The following CNGB3 variants were observed in gnomAD, a reference collection of about 807,000 sequenced individuals.
CNGB3 encodes cyclic nucleotide gated channel subunit beta 3.
Under a neutral mutation model 92.8 loss-of-function variants are expected in CNGB3, and 86 were observed. The ratio of observed to expected loss-of-function variants is 0.93; its 90% CI spans 0.78 to 1.11. The LOEUF (loss-of-function observed/expected upper bound fraction) is 1.11. CNGB3 is among the 50% of genes least tolerant of loss of function. The probability of loss-of-function intolerance (pLI) is 0.00; values close to 1 mark genes in which losing one functional copy is unlikely to be tolerated. For synonymous variants in CNGB3, 333 were observed against 332.7 expected (o/e 1.00, Z -0.01); for missense variants, 1,026 against 956.8 (o/e 1.07, Z -0.95).
Position 86,689,041 on chromosome 8 carries a change from C to G in CNGB3, c.339-17943G>C, listed in dbSNP as rs1446644091. ...AAATTCTTTTTTTTTTTTATTAACC[C>G]ATGGGTCATTCAGGAGCATTTTGTT... On this transcript the variant is annotated intron_variant, in intron 3 of 17. Transcript: ENST00000320005. Among the ~76,000 whole-genome samples, 28 of 151,204 alleles carry G rather than the reference C, an allele frequency of 1.9e-4. 1 individual carries two copies. The highest frequency in any genetic ancestry group is 1.8e-3 in the Admixed American group (27 of 15,180).
chr8:86,633,031 A>G (rs1822992651), intron 10 of CNGB3, 138 bp from the exon 11 acceptor site: 8 of 754,748 alleles, frequency 1.1e-5, no homozygotes, highest in Admixed American at 7.3e-5. Flanking sequence ...AGCACTGGCA[A>G]ACAGCATGTG....
chr8:86,589,792 G>T (rs1314079427), intron 15 of CNGB3, among the ~76,000 whole-genome samples: 3 of 151,702 alleles, frequency 2.0e-5, no homozygotes, highest in South Asian at 4.2e-4. Flanking sequence ...GTGTGGTGTG[G>T]TGCTGAAAAA....
intron 6 of CNGB3, chr8:86,658,767 C>T: frequency 2.0e-6 from 1 of 512,496 alleles, no homozygotes; most frequent in Non-Finnish European, 3.5e-6. Context: ...CTTCATGAAG[C>T]CAGTCTGCAA....
intron 14 of CNGB3, 36 bp downstream of exon 14, chr8:86,611,552 T>G (rs772916629): frequency 1.3e-6 from 2 of 1,495,214 alleles, no homozygotes; most frequent in South Asian, 2.3e-5. Context: ...CAAATGCATT[T>G]ATTAGTTGTG....
intron 2 of CNGB3, among the ~76,000 whole-genome samples, chr8:86,732,581 G>A (rs756310375): frequency 2.6e-5 from 4 of 152,178 alleles, no homozygotes; most frequent in Non-Finnish European, 5.9e-5. Context: ...TGGCTTTTCA[G>A]CTCCAGTTAT....
chr8:86,631,300 A>G (rs1822956420), intron 11 of CNGB3, among the ~76,000 whole-genome samples: 1 of 152,198 alleles, frequency 6.6e-6, no homozygotes, highest in South Asian at 2.1e-4. Context: ...AGATTACACT[A>G]TGAGTAACAA....
chr8:86,715,944 G>A (rs983955666), intron 3 of CNGB3, among the ~76,000 whole-genome samples: 1 of 151,480 alleles, frequency 6.6e-6, no homozygotes, highest in Non-Finnish European at 1.5e-5. Context: ...CCTGCACATT[G>A]TGCACATGTA....
intron 3 of CNGB3, among the ~76,000 whole-genome samples, chr8:86,716,850 T>C (rs975320690): frequency 6.6e-6 from 1 of 152,162 alleles, no homozygotes; most frequent in Non-Finnish European, 1.5e-5. Context: ...GCATGATGAA[T>C]GGCATAGTAC....
intron 13 of CNGB3, among the ~76,000 whole-genome samples, chr8:86,623,185 A>T (rs1294034822): frequency 6.6e-6 from 1 of 152,174 alleles, no homozygotes; most frequent in Non-Finnish European, 1.5e-5. Flanking sequence ...ATATGCTGAC[A>T]GGTCCAAATG....
intron 6 of CNGB3, among the ~76,000 whole-genome samples, chr8:86,656,733 C>T (rs1166941238): frequency 1.3e-5 from 2 of 152,210 alleles, no homozygotes; most frequent in Non-Finnish European, 2.9e-5. Flanking sequence ...ACCCCCCCAA[C>T]CAAAATGGCT....
chr8:86,670,796 C>A (rs767501599), intron 4 of CNGB3, 148 bp downstream of exon 4: 5 of 896,210 alleles, frequency 5.6e-6, no homozygotes, highest in Non-Finnish European at 9.1e-6. Context: ...TCTCACCACT[C>A]GTACCTTCCT....
chr8:86,725,892 C>T (rs76164903), intron 3 of CNGB3, among the ~76,000 whole-genome samples: 4,777 of 152,190 alleles, frequency 0.031, 236 homozygotes, highest in African/African-American at 0.11. Flanking sequence ...ACTGGATCGG[C>T]AGGTACATAA....
chr8:86,585,498 T>C (rs1433131373), intron 15 of CNGB3, among the ~76,000 whole-genome samples: 1 of 151,994 alleles, frequency 6.6e-6, no homozygotes, highest in East Asian at 1.9e-4. Flanking sequence ...CTCTTTTTAG[T>C]AGAGCTACTG....
At chr8:86,577,992 C>T (rs771584854) in intron 17 of CNGB3, among the ~76,000 whole-genome samples, 10 of 152,036 alleles carry the variant, frequency 6.6e-5, no homozygotes, top group Admixed American at 1.3e-4. Context: ...TCACTACAAC[C>T]TTTGCCTCCC....
At chr8:86,728,052 G>A (rs917975264) in intron 2 of CNGB3, among the ~76,000 whole-genome samples, 1 of 151,982 alleles carries the variant, frequency 6.6e-6, no homozygotes, top group African/African-American at 2.4e-5. Flanking sequence ...TAAATTCTCG[G>A]ATTTCCCAAG....
chr8:86,614,864 G>GTT (rs34628799), intron 13 of CNGB3, among the ~76,000 whole-genome samples: 51,404 of 151,844 alleles, frequency 0.34, 9,745 homozygotes, highest in African/African-American at 0.51. Flanking sequence ...CAAGGCTGGA[G>GTT]TACAGCCACT....
intron 3 of CNGB3, among the ~76,000 whole-genome samples, chr8:86,694,464 G>A (rs1255759942): frequency 9.9e-5 from 15 of 151,848 alleles, no homozygotes; most frequent in Admixed American, 4.6e-4. Flanking sequence ...CTTCCCAGAC[G>A]GGGTGGCTGC....
intron 1 of CNGB3, 104 bp from the exon 2 acceptor site, chr8:86,739,840 A>T: frequency 2.3e-6 from 3 of 1,296,912 alleles, no homozygotes; most frequent in Non-Finnish European, 3.3e-6. Flanking sequence ...TCAGATCATT[A>T]AAATTGACTG....
rs141318076 is a variant in CNGB3 at position 86,674,624 on chromosome 8, T to C, written c.339-3526A>G. 1.7e-4 allele frequency among the ~76,000 whole-genome samples: 26 copies of C among 152,362 alleles called. No individual in the cohort carries two copies. The East Asian group carries it at 3.5e-3, about 20-fold the overall frequency. The stretch of plus-strand genomic sequence containing the variant: ...AGAAAGAACCAATGGTTTTGCCTTA[T>C]GTAACTATGCTTCATCTGAGCTCTG... On this transcript the variant is annotated intron_variant, in intron 3 of 17. Coordinates refer to ENST00000320005, the MANE Select transcript of CNGB3 (RefSeq NM_019098.5).
Sources: gnomAD v4.1 joint callset for allele counts (sites outside exome capture counted in the v4.1 genomes callset) on GRCh38, gnomAD v4.1.1 for gene constraint, MANE v1.5 for transcripts, NCBI Gene and HGNC (gene_info 2026-07-23, HGNC 2026-07-21) for gene names.